Variants in PCDHGA1 observed in about 807,000 individuals in gnomAD.
PCDHGA1 encodes protocadherin gamma-A1.
In PCDHGA1, 32 loss-of-function variants were observed where a neutral mutation model predicts 58.0. The ratio of observed to expected loss-of-function variants is 0.55; its 90% CI spans 0.42 to 0.74. PCDHGA1 has a LOEUF of 0.74. Among genes scored for constraint, PCDHGA1 ranks in the 30% least tolerant of loss-of-function variants. The pLI is 0.00. For synonymous variants in PCDHGA1, 498 were observed against 501.1 expected, an observed-to-expected ratio of 0.99 and a Z score of 0.08; for missense variants, 1,205 against 1,182.3, an observed-to-expected ratio of 1.02 and a Z score of -0.28.
rs1481171398 is a variant in PCDHGA1 at position 141,455,879 on chromosome 5, ATTT to A, written c.2422-38927_2422-38925del. 3.8e-4 allele frequency among the ~76,000 whole-genome samples: 56 copies of A among 147,786 alleles called. No individual in the cohort carries two copies. In the East Asian group the frequency reaches 8.9e-3, roughly 23 times the overall value. On this transcript the variant is annotated intron_variant, in intron 1 of 3. Coordinates refer to ENST00000517417, the MANE Select transcript of PCDHGA1 (RefSeq NM_018912.3). ...TCTTTTATTATTTATTTATTTATTTATTTATTTATTTATTTATTTATTTATTTA... is the reference window on the plus strand; with the variant it reads ...TCTTTTATTATTTATTTATTTATTTAATTTATTTATTTATTTATTTATTTA...
intron 1 of PCDHGA1, among the ~76,000 whole-genome samples, chr5:141,483,618 C>T (rs1441906179): frequency 6.6e-6 from 1 of 151,536 alleles, no homozygotes; most frequent in Non-Finnish European, 1.5e-5. Flanking sequence ...TCCATCATTC[C>T]CATGGGAGAA....
chr5:141,345,736 C>G (rs1272534792), intron 1 of PCDHGA1: 3 of 1,614,102 alleles, frequency 1.9e-6, no homozygotes, highest in African/African-American at 1.3e-5. Context: ...CCCGCCCTCC[C>G]CACAGACGGT....
chr5:141,422,276 T>G, intron 1 of PCDHGA1: 3 of 1,558,820 alleles, frequency 1.9e-6, no homozygotes, highest in South Asian at 1.3e-5. Context: ...GAAATAACTA[T>G]CACCTCTTCT....
chr5:141,407,977 G>A (rs943554200), intron 1 of PCDHGA1: 7 of 747,538 alleles, frequency 9.4e-6, no homozygotes, highest in African/African-American at 8.8e-5. Context: ...TGACGCCGGG[G>A]ATCCGTCAGC....
Position 141,476,387 on chromosome 5 carries a change from C to G in PCDHGA1, c.2422-18420C>G, listed in dbSNP as rs147660262. Reference sequence around the variant, plus strand: ...GACCGGAGAGATGTTTGTGAACGACCGTCTGGATCGAGAGGAGCTGTGTGG... The same window carrying G: ...GACCGGAGAGATGTTTGTGAACGACGGTCTGGATCGAGAGGAGCTGTGTGG... On this transcript the variant is annotated intron_variant, in intron 1 of 3. Coordinates refer to ENST00000517417, the MANE Select transcript of PCDHGA1 (RefSeq NM_018912.3). The surrounding 1 kb of genome is among the most constrained non-coding windows in gnomAD (Gnocchi z 7.6). 3.6e-4 allele frequency: 587 copies of G among 1,614,076 alleles called. No individual in the cohort carries two copies. The highest frequency in any genetic ancestry group is 4.7e-4 in the Non-Finnish European group (549 of 1,180,024).
intron 1 of PCDHGA1, among the ~76,000 whole-genome samples, chr5:141,443,537 T>C (rs986467958): frequency 6.6e-6 from 1 of 152,180 alleles, no homozygotes; most frequent in African/African-American, 2.4e-5. Flanking sequence ...ATTTAAAGCT[T>C]GGGAAATTGT....
rs61612330 is a variant in PCDHGA1 at position 141,454,796 on chromosome 5, A to ATTTTTTTTTT, written c.2422-39991_2422-39982dup. Among the ~76,000 whole-genome samples, 264 of 77,454 alleles carry ATTTTTTTTTT rather than the reference A, an allele frequency of 3.4e-3. 39 individuals carry two copies. Among genetic ancestry groups the ATTTTTTTTTT allele is most frequent in the African/African-American group, 0.012 (196 of 16,878 alleles). 50.8% of individuals were successfully genotyped at this position (77,454 alleles called of 152,430 possible). A position where few individuals can be genotyped will look rare whatever the true frequency, so the allele number is the denominator to read the frequency against. ...AAGGAAATAATCCTCCATGGTTCTA[A>ATTTTTTTTTT]TTTTTTTTTTTTTTTTTTTTTTTTT... On this transcript the variant is annotated intron_variant, in intron 1 of 3. Transcript: ENST00000517417.
At chr5:141,448,654 A>G (rs966383140) in intron 1 of PCDHGA1, among the ~76,000 whole-genome samples, 1 of 152,048 alleles carries the variant, frequency 6.6e-6, no homozygotes, top group African/African-American at 2.4e-5. Context: ...AAATATTTCC[A>G]TATTGGCCGG....
At chr5:141,335,578 GT>G in intron 1 of PCDHGA1, among the ~76,000 whole-genome samples, 1 of 152,108 alleles carries the variant, frequency 6.6e-6, no homozygotes, top group East Asian at 1.9e-4. Flanking sequence ...CAGGAAGAAA[GT>G]TAGTTAACAT....
rs775132338 is a variant in PCDHGA1 at position 141,490,858 on chromosome 5, G to A, written c.2422-3949G>A. On this transcript the variant is annotated intron_variant, in intron 1 of 3. Coordinates refer to ENST00000517417, the MANE Select transcript of PCDHGA1 (RefSeq NM_018912.3). This position sits in a 1 kb window ranked among gnomAD's most constrained non-coding sequence, Gnocchi z 5.4. Reference sequence around the variant, plus strand: ...GATTGTGGTGGGGGTTCGAGACTCCGGCTCTCCCCCATTGCATGCCAACAC... The same window carrying A: ...GATTGTGGTGGGGGTTCGAGACTCCAGCTCTCCCCCATTGCATGCCAACAC... 14 of 1,613,704 alleles carry A rather than the reference G, an allele frequency of 8.7e-6. No homozygotes were observed. Among genetic ancestry groups the A allele is most frequent in the South Asian group, 2.2e-5 (2 of 91,068 alleles).
At chr5:141,349,001 AT>A (rs938414585) in intron 1 of PCDHGA1, among the ~76,000 whole-genome samples, 5 of 152,166 alleles carry the variant, frequency 3.3e-5, no homozygotes, top group Non-Finnish European at 7.3e-5. Context: ...CCTCTCCAAT[AT>A]TTACCAGTGG....
intron 1 of PCDHGA1, among the ~76,000 whole-genome samples, chr5:141,438,792 G>T (rs2098065674): frequency 6.7e-6 from 1 of 149,346 alleles, no homozygotes. Flanking sequence ...CTCTCCAGTA[G>T]CTGGGATTAC....
Position 141,361,433 on chromosome 5 carries a change from C to T in PCDHGA1, c.2421+28328C>T, listed in dbSNP as rs370691572. ...ACCGACGGGGGCAAGCCGCCCCTCT[C>T]CTCCAGCATAATTGTCACCCTGCAC... On this transcript the variant is annotated intron_variant, in intron 1 of 3. Transcript: ENST00000517417. The T allele has an allele frequency of 8.7e-6, 14 of 1,613,952 alleles. 1 individual carries two copies. Among genetic ancestry groups the T allele is most frequent in the African/African-American group, 1.3e-5 (1 of 74,958 alleles).
chr5:141,371,078 C>T lies in PCDHGA1; in HGVS notation c.2421+37973C>T, dbSNP rs776361776. Reference sequence around the variant, plus strand: ...CCTCCAGAAGCTGTACCACCCAGATCAGGGTAATTGTCGCAGATGCAAATG... The same window carrying T: ...CCTCCAGAAGCTGTACCACCCAGATTAGGGTAATTGTCGCAGATGCAAATG... On this transcript the variant is annotated intron_variant, in intron 1 of 3. Transcript: ENST00000517417. 1.9e-6 allele frequency: 3 copies of T among 1,613,770 alleles called. No homozygotes were observed. In the African/African-American group the frequency reaches 4.0e-5, roughly 22 times the overall value.
chr5:141,470,768 G>T (rs2099239559), intron 1 of PCDHGA1, among the ~76,000 whole-genome samples: 1 of 152,142 alleles, frequency 6.6e-6, no homozygotes, highest in South Asian at 2.1e-4. Context: ...ACTCACTACA[G>T]TCTTGAATTC....
At chr5:141,370,950 C>A in intron 1 of PCDHGA1, 1 of 1,614,002 alleles carries the variant, frequency 6.2e-7, no homozygotes, top group South Asian at 1.1e-5. Context: ...GAAGGAGAAC[C>A]TGGATGGCAG....
At position 141,361,194 on chromosome 5, in the gene PCDHGA1, T is replaced by TA. The variant is rs755692638; in HGVS notation, c.2421+28090dup. ...CTGAAGTTATTGTGACTTCAGTATC[T>TA]ACTCCCCTACCGGAGGATTCGCCAC... is the stretch of plus-strand genomic sequence containing the variant. On this transcript the variant is annotated intron_variant, in intron 1 of 3. Transcript: ENST00000517417. The TA allele has an allele frequency of 9.9e-6, 16 of 1,613,986 alleles. No homozygotes were observed. In the South Asian group the frequency reaches 1.8e-4, roughly 18 times the overall value.
At chr5:141,380,907 C>T (rs1406481355) in intron 1 of PCDHGA1, among the ~76,000 whole-genome samples, 3 of 152,296 alleles carry the variant, frequency 2.0e-5, no homozygotes, top group Admixed American at 6.5e-5. Flanking sequence ...TCTACAAGTG[C>T]TTACATTGTT....
rs1258238617 is a variant in PCDHGA1, at chr5:141,409,461, T to A, written c.2421+76356T>A. On this transcript the variant is annotated intron_variant, in intron 1 of 3. Coordinates refer to ENST00000517417, the MANE Select transcript of PCDHGA1 (RefSeq NM_018912.3). ...CGAGAGCAGACACCAGAATACAATG[T>A]CACCATCGTAGCCACTGACAGGGGC... The A allele has an allele frequency of 5.0e-6, 8 of 1,613,928 alleles. No homozygotes were observed. In the Admixed American group the frequency reaches 1.3e-4, roughly 27 times the overall value.
Sources: gnomAD v4.1 joint callset for allele counts (sites outside exome capture counted in the v4.1 genomes callset) on GRCh38, gnomAD v4.1.1 for gene constraint, Gnocchi (gnomAD v3.1) non-coding constraint, MANE v1.5 for transcripts, NCBI Gene and HGNC (gene_info 2026-07-23, HGNC 2026-07-21) for gene names.